ZNF717: variants seen among roughly 807,000 people sequenced by gnomAD.
ZNF717 encodes zinc finger protein 717.
In ZNF717, 9 loss-of-function variants were observed where a neutral mutation model predicts 13.8. The observed-to-expected ratio is 0.65, with a 90% CI of 0.39 to 1.14. The LOEUF (loss-of-function observed/expected upper bound fraction) is 1.14, where lower values mean the gene tolerates loss of function less well. Among genes scored for constraint, ZNF717 ranks in the 50% most tolerant of loss-of-function variants. The pLI is 0.01. For synonymous variants in ZNF717, 327 were observed against 364.1 expected (o/e 0.90, Z 1.16); for missense variants, 1,040 against 1,080.7 (o/e 0.96, Z 0.53).
At chr3:75,765,544 G>T (rs1181503569) in intron 2 of ZNF717, among the ~76,000 whole-genome samples, 1 of 152,120 alleles carries the variant, frequency 6.6e-6, no homozygotes, top group East Asian at 1.9e-4. Context: ...CCGAATAGTT[G>T]GGACTACAGG....
rs1937946142 is a variant in ZNF717 at position 75,711,860 on chromosome 3, TG to T, written n.668-545del. ...CTTTTGGAGAAATTTTCAAAACAAC[TG>T]TGAATGACAAAAACTTGGAATAGCC... On this transcript the variant is annotated intron_variant and non_coding_transcript_variant, in intron 5 of 5. Coordinates refer to the ZNF717 transcript ENST00000491507. Among the ~76,000 whole-genome samples, 4 of 152,204 alleles carry T rather than the reference TG, an allele frequency of 2.6e-5. No homozygotes were observed. The South Asian group carries it at 8.3e-4, about 31-fold the overall frequency.
intron 2 of ZNF717, among the ~76,000 whole-genome samples, chr3:75,745,469 C>T (rs1941057905): frequency 6.6e-6 from 1 of 152,092 alleles, no homozygotes; most frequent in South Asian, 2.1e-4. Flanking sequence ...GCATAGCTAT[C>T]ATTTTTCTGG....
At chr3:75,718,652 T>G in intron 4 of ZNF717, among the ~76,000 whole-genome samples, 1 of 152,120 alleles carries the variant, frequency 6.6e-6, no homozygotes, top group East Asian at 1.9e-4. Flanking sequence ...AGGATGAAAT[T>G]TTTCCACCTC....
In ZNF717 at chr3:75,763,544, C is replaced by T. The variant is rs58852435; in HGVS notation, c.57+19762G>A. Among the ~76,000 whole-genome samples, 412 of 151,586 alleles carry T rather than the reference C, an allele frequency of 2.7e-3. 6 individuals carry two copies. The East Asian group carries it at 0.07, about 26-fold the overall frequency. ...GTAAAGAACTCCTACAGAGAGACTA[C>T]CAGAAGCAGAGAGGAGCAAACACAT... On this transcript the variant is annotated intron_variant, in intron 2 of 4. Transcript: ENST00000652011.
chr3:75,772,313 T>C (rs991566910), intron 2 of ZNF717, among the ~76,000 whole-genome samples: 8 of 152,218 alleles, frequency 5.3e-5, no homozygotes, highest in Non-Finnish European at 1.0e-4. Flanking sequence ...GGAGAAGAAC[T>C]CGGGACCTGC....
At chr3:75,695,582 C>G (rs1409569928) in intron 6 of ZNF717, among the ~76,000 whole-genome samples, 1 of 152,294 alleles carries the variant, frequency 6.6e-6, no homozygotes, top group African/African-American at 2.4e-5. Flanking sequence ...TGTTAAGTAA[C>G]AAGTCTAAAG....
At chr3:75,704,157 G>A (rs76448766) in intron 6 of ZNF717, among the ~76,000 whole-genome samples, 3 of 152,366 alleles carry the variant, frequency 2.0e-5, no homozygotes, top group East Asian at 1.9e-4. Flanking sequence ...TATAAGTAGA[G>A]ACACTAACAA....
At chr3:75,756,681 TC>T (rs1942515715) in intron 2 of ZNF717, among the ~76,000 whole-genome samples, 1 of 60,090 alleles carries the variant, frequency 1.7e-5, no homozygotes, top group South Asian at 4.1e-4. Context: ...TTTTTTTTTT[TC>T]TGTTTTTTTG....
chr3:75,713,558 CAATTTTATAGCAATATAG>C (rs1449408376), intron 5 of ZNF717, among the ~76,000 whole-genome samples: 9 of 152,100 alleles, frequency 5.9e-5, no homozygotes, highest in African/African-American at 1.9e-4. Flanking sequence ...TGGGTGAGAA[CAATTTTATAGCAATATAG>C]AAAGTCATAT....
intron 2 of ZNF717, among the ~76,000 whole-genome samples, chr3:75,762,709 T>A (rs930013230): frequency 2.9e-5 from 4 of 140,202 alleles, no homozygotes; most frequent in African/African-American, 7.6e-5. Context: ...AAACCCATCC[T>A]AAAACTCATA....
At chr3:75,745,885 T>C (rs2107288824) in intron 2 of ZNF717, among the ~76,000 whole-genome samples, 1 of 151,810 alleles carries the variant, frequency 6.6e-6, no homozygotes, top group East Asian at 1.9e-4. Context: ...ATATATTTTT[T>C]TATTATACTT....
chr3:75,720,154 C>T (rs1938140792), intron 4 of ZNF717, among the ~76,000 whole-genome samples: 1 of 151,666 alleles, frequency 6.6e-6, no homozygotes, highest in Non-Finnish European at 1.5e-5. Flanking sequence ...GGTGTATACC[C>T]AAAAGAAAAT....
At chr3:75,716,060 TC>T (rs1185059780) in intron 5 of ZNF717, among the ~76,000 whole-genome samples, 4 of 151,794 alleles carry the variant, frequency 2.6e-5, no homozygotes, top group Non-Finnish European at 5.9e-5. Flanking sequence ...AACCTCCACT[TC>T]CCAGGTTCAA....
downstream of ZNF717, among the ~76,000 whole-genome samples, chr3:75,725,678 T>C (rs1938264539): frequency 6.8e-6 from 1 of 146,470 alleles, no homozygotes; most frequent in East Asian, 2.0e-4. Context: ...GATCAGGTCT[T>C]ACACGGCAGC....
chr3:75,768,027 A>G (rs1370119256), intron 2 of ZNF717, among the ~76,000 whole-genome samples: 5 of 152,186 alleles, frequency 3.3e-5, no homozygotes, highest in African/African-American at 9.6e-5. Flanking sequence ...AGGGAGGAGT[A>G]AAAAGGCACA....
chr3:75,771,840 C>G (rs1166774164), intron 2 of ZNF717, among the ~76,000 whole-genome samples: 1 of 152,382 alleles, frequency 6.6e-6, no homozygotes, highest in Middle Eastern at 3.4e-3. Flanking sequence ...GCCCCCCTGC[C>G]CCTGCAGGCT....
At chr3:75,730,470 T>C (rs1938464038) in exon 6 of ZNF717, 1 of 537,892 alleles carries the variant, frequency 1.9e-6, no homozygotes, top group African/African-American at 2.0e-5. Context: ...ACTGGTGATG[T>C]GAAATTTGGA....
chr3:75,734,424 T>TTTTTTTTGTTTTTTTG (rs60772948), downstream of ZNF717, among the ~76,000 whole-genome samples: 3 of 148,256 alleles, frequency 2.0e-5, no homozygotes, highest in African/African-American at 7.5e-5. Flanking sequence ...GTAAAATGGG[T>TTTTTTTTGTTTTTTTG]TTTTTTTGTT....
At chr3:75,697,299 A>G (rs1256062283) in intron 6 of ZNF717, among the ~76,000 whole-genome samples, 4 of 152,294 alleles carry the variant, frequency 2.6e-5, no homozygotes, top group Non-Finnish European at 4.4e-5. Flanking sequence ...CTCCTCTGAT[A>G]AGGTTTGAAT....
Sources: allele counts gnomAD v4.1 joint callset (sites outside exome capture counted in the v4.1 genomes callset), GRCh38; gene constraint gnomAD v4.1.1; transcripts MANE v1.5; gene names NCBI Gene and HGNC (gene_info 2026-07-23, HGNC 2026-07-21).